C8A: variants seen among roughly 807,000 people sequenced by gnomAD.
C8A encodes the protein complement C8 alpha chain, also known as complement component C8 alpha chain.
A neutral mutation model predicts 65.3 loss-of-function variants in C8A; 67 were observed. That is an observed-to-expected ratio of 1.03 (90% CI 0.84 to 1.26). C8A has a LOEUF of 1.26. Ranked by LOEUF, C8A falls within the 50% of genes most tolerant of loss-of-function variation. The pLI is 0.00. For missense variants in C8A, 781 were observed against 723.9 expected, an observed-to-expected ratio of 1.08 and a Z score of -0.90; for synonymous variants, 290 against 259.4, an observed-to-expected ratio of 1.12 and a Z score of -1.13.
chr1:56,876,032 C>G (rs753176286), intron 3 of C8A, 30 bp from the exon 4 acceptor site: 21 of 1,609,610 alleles, frequency 1.3e-5, no homozygotes, highest in Non-Finnish European at 1.6e-5. Flanking sequence ...GAGGGGAACC[C>G]GAGGAGCAGC....
intron 7 of C8A, among the ~76,000 whole-genome samples, chr1:56,886,702 G>A (rs1184487868): frequency 3.9e-5 from 6 of 152,140 alleles, no homozygotes; most frequent in Admixed American, 3.9e-4. Context: ...AATGGTCTCT[G>A]GGGGTGGGCT....
intron 6 of C8A, among the ~76,000 whole-genome samples, chr1:56,884,759 A>AT (rs547728201): frequency 2.0e-5 from 3 of 151,946 alleles, no homozygotes; most frequent in African/African-American, 4.8e-5. Flanking sequence ...GCTATCTCTT[A>AT]TTTTTTTATA....
intron 9 of C8A, 119 bp from the exon 10 acceptor site, chr1:56,912,284 G>T (rs1644513937): frequency 4.9e-6 from 4 of 811,248 alleles, no homozygotes; most frequent in Non-Finnish European, 8.2e-6. Context: ...GATAAATTGG[G>T]TGTCTGTGTC....
At chr1:56,906,942 C>T in intron 8 of C8A, 150 bp downstream of exon 8, 7 of 942,908 alleles carry the variant, frequency 7.4e-6, no homozygotes, top group Non-Finnish European at 5.0e-6. Flanking sequence ...AAACAATGAC[C>T]TGCAGTGGCT....
rs546825918 is a variant in C8A, at chr1:56,881,086, C to T, written c.465-359C>T. 3.3e-5 allele frequency among the ~76,000 whole-genome samples: 5 copies of T among 152,324 alleles called. No homozygotes were observed. The East Asian group carries it at 7.7e-4, about 24-fold the overall frequency. The stretch of plus-strand genomic sequence containing the variant: ...TCTGGGTAAAGGAAATCTGAAGGCT[C>T]AGGCCAGCCCATTTAGTCTCCAAGT... On this transcript the variant is annotated intron_variant, in intron 4 of 10. Coordinates refer to ENST00000361249, the MANE Select transcript of C8A (RefSeq NM_000562.3).
intron 1 of C8A, among the ~76,000 whole-genome samples, chr1:56,861,074 G>T (rs1644029105): frequency 6.6e-6 from 1 of 152,192 alleles, no homozygotes; most frequent in Non-Finnish European, 1.5e-5. Flanking sequence ...GAAGCATGAT[G>T]CCAGCATCTG....
In C8A at chr1:56,917,680, G is replaced by C. The variant is rs147108278; in HGVS notation, c.1719G>C (p.Ser573=). The C allele has an allele frequency of 9.9e-6, 16 of 1,614,080 alleles. No homozygotes were observed. The highest frequency in any genetic ancestry group is 1.4e-5 in the Non-Finnish European group (16 of 1,180,042). Residue 573 remains serine, a synonymous_variant, in exon 11 of 11, where the codon TCG becomes TCC. Transcript: ENST00000361249. ...CAGCACCTCAGAATGGAGGGGCCTC[G>C]TGTCCAGGGCGGAAAGTACAGACGC... ...DNPAPQNGGA[S]CPGRKVQTQA...
At chr1:56,897,339 G>A (rs1391521193) in intron 7 of C8A, among the ~76,000 whole-genome samples, 1 of 152,184 alleles carries the variant, frequency 6.6e-6, no homozygotes, top group African/African-American at 2.4e-5. Context: ...GTGCTGGCTG[G>A]TGACACTCAA....
At chr1:56,873,440 A>G (rs1644167272) in intron 2 of C8A, among the ~76,000 whole-genome samples, 1 of 152,174 alleles carries the variant, frequency 6.6e-6, no homozygotes, top group Non-Finnish European at 1.5e-5. Flanking sequence ...AGTTGGTAAG[A>G]AAATCTGGGC....
At chr1:56,897,420 C>T (rs540798705) in intron 7 of C8A, among the ~76,000 whole-genome samples, 1 of 152,192 alleles carries the variant, frequency 6.6e-6, no homozygotes, top group African/African-American at 2.4e-5. Flanking sequence ...GTCTTAATAG[C>T]AAATGCTACC....
chr1:56,885,414 AAATATATATT>A (rs1644288573), intron 6 of C8A, among the ~76,000 whole-genome samples: 1 of 91,318 alleles, frequency 1.1e-5, no homozygotes, highest in South Asian at 3.9e-4. Flanking sequence ...ATATTTATTT[AAATATATATT>A]TAAATATATA....
At chr1:56,874,237 G>A (rs1183155179) in intron 2 of C8A, among the ~76,000 whole-genome samples, 1 of 152,162 alleles carries the variant, frequency 6.6e-6, no homozygotes, top group African/African-American at 2.4e-5. Flanking sequence ...GCCAATCCTT[G>A]AAGCAATGAT....
At chr1:56,895,674 C>T (rs745765234) in intron 7 of C8A, among the ~76,000 whole-genome samples, 13 of 152,148 alleles carry the variant, frequency 8.5e-5, no homozygotes, top group Non-Finnish European at 1.6e-4. Context: ...CACAGTGGCT[C>T]CTTCTTGTAA....
chr1:56,915,165 G>C (rs926770604), intron 10 of C8A, among the ~76,000 whole-genome samples: 8 of 152,176 alleles, frequency 5.3e-5, no homozygotes, highest in Non-Finnish European at 1.2e-4. Flanking sequence ...AATTGTTCTG[G>C]GTTGTTACTT....
At position 56,906,783 on chromosome 1, in the gene C8A, G is replaced by T. The variant is rs913930003; in HGVS notation, c.1213G>T (p.Gly405Cys). The change falls in exon 8 of 11, where the codon GGC becomes TGC. Residue 405 changes from glycine (G) to cysteine (C), a missense_variant. Transcript: ENST00000361249. ...AGACCATTGTAAAAAATTTGGAGGTGGCAAAACTGGCAAGTGTTTAGTAAT... is the reference window on the plus strand; with the variant it reads ...AGACCATTGTAAAAAATTTGGAGGTTGCAAAACTGGCAAGTGTTTAGTAAT... Reference protein sequence around the residue: ...SGDHCKKFGGGKTERARKAMA... With the variant: ...SGDHCKKFGGCKTERARKAMA... 1.2e-6 allele frequency: 2 copies of T among 1,613,912 alleles called. No individual in the cohort carries two copies. Among genetic ancestry groups the T allele is most frequent in the African/African-American group, 2.7e-5 (2 of 74,892 alleles).
intron 4 of C8A, among the ~76,000 whole-genome samples, chr1:56,878,847 A>G (rs528994019): frequency 6.6e-6 from 1 of 152,300 alleles, no homozygotes; most frequent in East Asian, 1.9e-4. Flanking sequence ...CATTATATAG[A>G]AAATATACCT....
chr1:56,917,292 CA>C (rs1644560095), intron 10 of C8A, among the ~76,000 whole-genome samples: 1 of 152,246 alleles, frequency 6.6e-6, no homozygotes, highest in Non-Finnish European at 1.5e-5. Flanking sequence ...AGCAGCTCTG[CA>C]ACTCCCTGGA....
At position 56,867,702 on chromosome 1, in the gene C8A, G is replaced by A. The variant is rs1373422859; in HGVS notation, c.171G>A (p.Lys57=). ...ATTGCTTTCCGTGCCAGGACAAAAA[G>A]GTGAGACACTTACAACCGGTTTGGG... The part of the protein sequence containing the change: ...WTDCFPCQDK[K]YRHRSLLQPN... The change falls in exon 2 of 11, where the codon AAG becomes AAA. Residue 57 remains lysine, a splice_region_variant and synonymous_variant. Coordinates refer to ENST00000361249, the MANE Select transcript of C8A (RefSeq NM_000562.3). 2.5e-6 allele frequency: 4 copies of A among 1,612,206 alleles called. No homozygotes were observed. The Admixed American group carries it at 5.0e-5, about 20-fold the overall frequency.
intron 7 of C8A, among the ~76,000 whole-genome samples, chr1:56,889,575 T>A (rs1644328715): frequency 6.6e-6 from 1 of 152,152 alleles, no homozygotes; most frequent in South Asian, 2.1e-4. Flanking sequence ...TCTCTCTATG[T>A]ATCTTTGATC....
Sources: gnomAD v4.1 joint callset for allele counts (sites outside exome capture counted in the v4.1 genomes callset) on GRCh38, gnomAD v4.1.1 for gene constraint, MANE v1.5 for transcripts, NCBI Gene and HGNC (gene_info 2026-07-23, HGNC 2026-07-21) for gene names.